The following CSMD1 variants were observed in gnomAD, a reference collection of about 807,000 sequenced individuals.
The protein encoded by CSMD1 is CUB and Sushi multiple domains 1.
CSMD1 carries 213 observed loss-of-function variants against 417.5 expected under a neutral mutation model. The ratio of observed to expected loss-of-function variants is 0.51; its 90% CI spans 0.46 to 0.57. The LOEUF is 0.57. CSMD1 is among the 20% of genes least tolerant of loss of function. The pLI is 0.00. For synonymous variants in CSMD1, 2,862 were observed against 1,736.8 expected, an observed-to-expected ratio of 1.65 and a Z score of -16.11; for missense variants, 6,923 against 4,529.7, an observed-to-expected ratio of 1.53 and a Z score of -15.17.
At chr8:2,980,541 A>C (rs906229268) in intron 54 of CSMD1, among the ~76,000 whole-genome samples, 1 of 151,838 alleles carries the variant, frequency 6.6e-6, no homozygotes, top group Non-Finnish European at 1.5e-5. Flanking sequence ...CCTCTCTTAA[A>C]GGTTCACTGG....
At chr8:4,482,036 T>C (rs1801127803) in intron 2 of CSMD1, among the ~76,000 whole-genome samples, 2 of 152,184 alleles carry the variant, frequency 1.3e-5, no homozygotes, top group Non-Finnish European at 2.9e-5. Flanking sequence ...GCCACACCCT[T>C]CCATGGCCAC....
intron 4 of CSMD1, among the ~76,000 whole-genome samples, chr8:4,002,938 C>T (rs2554670): frequency 0.8 from 122,297 of 152,146 alleles, 49,591 homozygotes; most frequent in African/African-American, 0.91. Flanking sequence ...TAAACAGAAA[C>T]TGTGAATGTT....
At chr8:4,949,143 C>G (rs74677292) in intron 1 of CSMD1, among the ~76,000 whole-genome samples, 14,078 of 151,876 alleles carry the variant, frequency 0.093, 811 homozygotes, top group South Asian at 0.18. Flanking sequence ...GTTAAACTGC[C>G]TTTGTATTCT....
chr8:3,607,675 G>C (rs895049385), intron 8 of CSMD1, among the ~76,000 whole-genome samples: 1 of 152,086 alleles, frequency 6.6e-6, no homozygotes, highest in Non-Finnish European at 1.5e-5. Context: ...GTGTATGACT[G>C]GATATTCTAT....
intron 6 of CSMD1, among the ~76,000 whole-genome samples, chr8:3,710,736 A>T (rs900097): frequency 0.33 from 50,108 of 151,978 alleles, 8,432 homozygotes; most frequent in East Asian, 0.49. Flanking sequence ...GCATCCTCCA[A>T]CCTTCCAAAA....
chr8:3,913,540 G>C lies in CSMD1; in HGVS notation c.818+84363C>G, dbSNP rs1216130125. 5.3e-5 allele frequency among the ~76,000 whole-genome samples: 8 copies of C among 152,252 alleles called. No individual in the cohort carries two copies. The South Asian group carries it at 1.5e-3, about 28-fold the overall frequency. On this transcript the variant is annotated intron_variant, in intron 5 of 69. Transcript: ENST00000635120. ...AGAAAGGATGGAGCGAGCCCTAGGTGCAAGTAATAATAAGGCAACAAAGAA... is the reference window on the plus strand; with the variant it reads ...AGAAAGGATGGAGCGAGCCCTAGGTCCAAGTAATAATAAGGCAACAAAGAA...
chr8:4,556,503 C>T (rs574911233), intron 2 of CSMD1, among the ~76,000 whole-genome samples: 5 of 152,078 alleles, frequency 3.3e-5, no homozygotes, highest in African/African-American at 9.6e-5. Flanking sequence ...AGCAGCACCC[C>T]GAATAATCGA....
intron 6 of CSMD1, among the ~76,000 whole-genome samples, chr8:3,737,402 T>C (rs1359105729): frequency 6.6e-6 from 1 of 152,220 alleles, no homozygotes; most frequent in East Asian, 1.9e-4. Flanking sequence ...TCTATAATGC[T>C]TTTACTGATA....
chr8:3,864,789 A>T (rs1804968600), intron 5 of CSMD1, among the ~76,000 whole-genome samples: 2 of 152,326 alleles, frequency 1.3e-5, no homozygotes, highest in African/African-American at 4.8e-5. Context: ...ATGTTATTAT[A>T]GCTCTTCAGG....
chr8:4,116,378 A>G (rs890037238), intron 3 of CSMD1, among the ~76,000 whole-genome samples: 9 of 152,330 alleles, frequency 5.9e-5, no homozygotes, highest in African/African-American at 2.2e-4. Context: ...GTCCAAACCC[A>G]TGGAATATAC....
At chr8:3,376,258 A>G (rs971627174) in intron 18 of CSMD1, among the ~76,000 whole-genome samples, 1 of 152,090 alleles carries the variant, frequency 6.6e-6, no homozygotes, top group Non-Finnish European at 1.5e-5. Context: ...AGAAATAAAG[A>G]GTAAACTAAT....
At chr8:3,935,700 G>T (rs907041739) in intron 5 of CSMD1, among the ~76,000 whole-genome samples, 2 of 152,082 alleles carry the variant, frequency 1.3e-5, no homozygotes, top group African/African-American at 4.8e-5. Context: ...TGACTGGCCT[G>T]GTCACTCCCA....
At chr8:4,784,903 T>G (rs964447592) in intron 1 of CSMD1, among the ~76,000 whole-genome samples, 1 of 152,234 alleles carries the variant, frequency 6.6e-6, no homozygotes, top group Non-Finnish European at 1.5e-5. Context: ...AATCTCATAC[T>G]GACAGCATTG....
chr8:3,206,577 G>T (rs112277533), intron 30 of CSMD1, among the ~76,000 whole-genome samples: 10 of 82,232 alleles, frequency 1.2e-4, no homozygotes, highest in Non-Finnish European at 2.4e-4. Context: ...GTGTGTGTGT[G>T]TGTATGTGTG....
At chr8:4,397,447 G>C (rs145608143) in intron 3 of CSMD1, among the ~76,000 whole-genome samples, 1 of 150,652 alleles carries the variant, frequency 6.6e-6, no homozygotes, top group East Asian at 1.9e-4. Flanking sequence ...AGAAAGCTTC[G>C]GGAGATACGT....
intron 6 of CSMD1, among the ~76,000 whole-genome samples, chr8:3,720,133 T>C (rs1251777390): frequency 5.3e-5 from 8 of 152,212 alleles, no homozygotes; most frequent in Admixed American, 4.6e-4. Context: ...CAACTCTTTA[T>C]TCAGCTTTTC....
rs186373507 is a variant in CSMD1, at chr8:4,457,670, A to C, written c.303-37605T>G. On this transcript the variant is annotated intron_variant, in intron 2 of 69. Transcript: ENST00000635120. ...AATAGCATGATGTTAAGCTCAGACA[A>C]TGAAGAGCACTAGAGGTTCACATGG... Among the ~76,000 whole-genome samples the C allele has an allele frequency of 2.0e-4, 30 of 152,288 alleles. No homozygotes were observed. In the East Asian group the frequency reaches 3.5e-3, roughly 18 times the overall value.
chr8:3,951,041 T>C (rs1811563293), intron 5 of CSMD1, among the ~76,000 whole-genome samples: 1 of 152,218 alleles, frequency 6.6e-6, no homozygotes, highest in Non-Finnish European at 1.5e-5. Flanking sequence ...TTTAGTGAGA[T>C]TTTTAAAGCT....
chr8:4,689,956 G>T (rs965924272), intron 1 of CSMD1, among the ~76,000 whole-genome samples: 3 of 152,006 alleles, frequency 2.0e-5, no homozygotes, highest in Non-Finnish European at 1.5e-5. Flanking sequence ...GCAGGAAGTG[G>T]GCTGTATTAC....
Sources: allele counts gnomAD v4.1 joint callset (sites outside exome capture counted in the v4.1 genomes callset), GRCh38; gene constraint gnomAD v4.1.1; transcripts MANE v1.5; gene names NCBI Gene and HGNC (gene_info 2026-07-23, HGNC 2026-07-21).